C8orf34: variants seen among roughly 807,000 people sequenced by gnomAD.
The protein encoded by C8orf34 is chromosome 8 open reading frame 34.
Under a neutral mutation model 68.3 loss-of-function variants are expected in C8orf34, and 65 were observed. That is an observed-to-expected ratio of 0.95 (90% confidence interval 0.78 to 1.17). The LOEUF (loss-of-function observed/expected upper bound fraction) is 1.17, where lower values mean the gene tolerates loss of function less well. C8orf34 is among the 50% of genes most tolerant of loss of function. The pLI is 0.00. For missense variants in C8orf34, 664 were observed against 655.4 expected, an observed-to-expected ratio of 1.01 and a Z score of -0.14; for synonymous variants, 244 against 241.2, an observed-to-expected ratio of 1.01 and a Z score of -0.11.
intron 12 of C8orf34, among the ~76,000 whole-genome samples, chr8:68,814,273 T>G (rs759512401): frequency 2.6e-5 from 4 of 152,190 alleles, no homozygotes; most frequent in Non-Finnish European, 4.4e-5. Flanking sequence ...GAAACTCTGA[T>G]GTTGGAGCCC....
At chr8:68,762,729 C>T (rs1209476919) in intron 10 of C8orf34, among the ~76,000 whole-genome samples, 2 of 152,218 alleles carry the variant, frequency 1.3e-5, no homozygotes, top group Non-Finnish European at 2.9e-5. Flanking sequence ...CTCTTACTCT[C>T]TATGATGTGG....
At chr8:68,596,643 A>G (rs904440663) in intron 7 of C8orf34, among the ~76,000 whole-genome samples, 1 of 152,118 alleles carries the variant, frequency 6.6e-6, no homozygotes, top group African/African-American at 2.4e-5. Context: ...GCCAGGTGAC[A>G]CCTGCATATC....
intron 8 of C8orf34, among the ~76,000 whole-genome samples, chr8:68,675,150 C>CT (rs1437293493): frequency 2.0e-5 from 3 of 152,040 alleles, no homozygotes; most frequent in Non-Finnish European, 4.4e-5. Context: ...ACAAGAAATG[C>CT]TACAGAGAGT....
intron 7 of C8orf34, among the ~76,000 whole-genome samples, chr8:68,614,355 G>T (rs1818125284): frequency 6.6e-6 from 1 of 152,168 alleles, no homozygotes; most frequent in Non-Finnish European, 1.5e-5. Context: ...TAGAAATGAA[G>T]TCCTTGCCCA....
intron 5 of C8orf34, among the ~76,000 whole-genome samples, chr8:68,519,905 T>C (rs1056999527): frequency 1.3e-5 from 2 of 152,204 alleles, no homozygotes; most frequent in Non-Finnish European, 2.9e-5. Flanking sequence ...TAAATGTTTA[T>C]AGATTTTTAA....
intron 1 of C8orf34, among the ~76,000 whole-genome samples, chr8:68,406,459 C>T (rs1809198127): frequency 6.6e-6 from 1 of 151,738 alleles, no homozygotes; most frequent in Non-Finnish European, 1.5e-5. Flanking sequence ...GTAGTTTCTT[C>T]TCTTTTTTAA....
intron 7 of C8orf34, chr8:68,535,263 A>G (rs982767773): frequency 7.1e-6 from 7 of 979,494 alleles, no homozygotes; most frequent in African/African-American, 7.0e-5. Context: ...GTAAGATGCA[A>G]TAGAGACATC....
chr8:68,550,939 T>C (rs2130051250), intron 7 of C8orf34, among the ~76,000 whole-genome samples: 1 of 151,740 alleles, frequency 6.6e-6, no homozygotes, highest in African/African-American at 2.4e-5. Context: ...TCTTTCAAAG[T>C]TTCTTCATCT....
chr8:68,577,226 C>T (rs899533764), intron 7 of C8orf34, among the ~76,000 whole-genome samples: 3 of 151,968 alleles, frequency 2.0e-5, no homozygotes, highest in Non-Finnish European at 4.4e-5. Flanking sequence ...CACCCAAACA[C>T]ATTGAACCAA....
At chr8:68,607,106 A>G (rs1409137779) in intron 7 of C8orf34, among the ~76,000 whole-genome samples, 4 of 152,134 alleles carry the variant, frequency 2.6e-5, no homozygotes, top group Non-Finnish European at 1.5e-5. Flanking sequence ...CCAACAGCTG[A>G]AGGTATCCCG....
At chr8:68,408,977 C>G (rs997687950) in intron 1 of C8orf34, among the ~76,000 whole-genome samples, 1 of 152,028 alleles carries the variant, frequency 6.6e-6, no homozygotes, top group East Asian at 1.9e-4. Flanking sequence ...TTAGTAGAGA[C>G]GCGGTTTCAC....
chr8:68,818,696 C>A lies in C8orf34; in HGVS notation c.*450C>A, dbSNP rs1824891715. 1 of 154,060 alleles carries A rather than the reference C, an allele frequency of 6.5e-6. No homozygotes were observed. Among genetic ancestry groups the A allele is most frequent in the Non-Finnish European group, 1.4e-5 (1 of 69,364 alleles). 9.5% of individuals were successfully genotyped at this position (154,060 alleles called of 1,614,324 possible). ...GTGCCAAGATGTGCCATTTAGGTCT[C>A]TGCAGAAATTAGCTGTTTGGTATCA... On this transcript the variant is annotated 3_prime_UTR_variant, in exon 14 of 14. Transcript: ENST00000518698.
intron 12 of C8orf34, among the ~76,000 whole-genome samples, chr8:68,813,421 C>A (rs903581608): frequency 6.6e-6 from 1 of 151,890 alleles, no homozygotes. Context: ...TTGCCCCACA[C>A]TCTAATCAAA....
intron 1 of C8orf34, among the ~76,000 whole-genome samples, chr8:68,365,154 G>C (rs1211215427): frequency 4.3e-4 from 59 of 138,244 alleles, no homozygotes; most frequent in African/African-American, 1.6e-3. Context: ...AGAAGAAATG[G>C]ATAAATTCCT....
At chr8:68,476,743 C>T (rs967598958) in intron 4 of C8orf34, among the ~76,000 whole-genome samples, 1 of 152,056 alleles carries the variant, frequency 6.6e-6, no homozygotes, top group African/African-American at 2.4e-5. Context: ...TAACATATAT[C>T]CTATGTTCAC....
Position 68,673,352 on chromosome 8 carries a change from G to A in C8orf34, c.1241+32841G>A, listed in dbSNP as rs563227107. 2.2e-4 allele frequency among the ~76,000 whole-genome samples: 33 copies of A among 152,080 alleles called. 1 individual carries two copies. The highest frequency in any genetic ancestry group is 1.6e-3 in the Admixed American group (24 of 15,300). On this transcript the variant is annotated intron_variant, in intron 8 of 13. Transcript: ENST00000518698. ...GGACTCTTGGGGTCCACAATTCCAG[G>A]CGTGTGCTCTTGGATGGCATTTCTG... is the stretch of plus-strand genomic sequence containing the variant.
At chr8:68,513,243 C>A (rs1814357272) in intron 5 of C8orf34, among the ~76,000 whole-genome samples, 1 of 152,174 alleles carries the variant, frequency 6.6e-6, no homozygotes, top group African/African-American at 2.4e-5. Flanking sequence ...AATACTTGAT[C>A]CAAGCACTTG....
intron 2 of C8orf34, among the ~76,000 whole-genome samples, chr8:68,442,985 T>A (rs1474967686): frequency 1.3e-5 from 2 of 152,124 alleles, no homozygotes; most frequent in Non-Finnish European, 2.9e-5. Context: ...ACATTTCCCA[T>A]AAGAGAACAG....
intron 1 of C8orf34, among the ~76,000 whole-genome samples, chr8:68,406,291 G>C (rs1041658574): frequency 6.6e-6 from 1 of 152,066 alleles, no homozygotes; most frequent in Non-Finnish European, 1.5e-5. Context: ...AAGAGTTGAA[G>C]ATAGATTGGA....
Sources: gnomAD v4.1 joint callset for allele counts (sites outside exome capture counted in the v4.1 genomes callset) on GRCh38, gnomAD v4.1.1 for gene constraint, MANE v1.5 for transcripts, NCBI Gene and HGNC (gene_info 2026-07-23, HGNC 2026-07-21) for gene names.